Variants in WWC1 observed in about 807,000 individuals in gnomAD.
WWC1 encodes protein KIBRA.
In WWC1, 55 loss-of-function variants were observed where a neutral mutation model predicts 138.4. That is an observed-to-expected ratio of 0.40 (90% confidence interval 0.32 to 0.50). WWC1 has a LOEUF of 0.50. Ranked by LOEUF, WWC1 falls within the 20% of genes least tolerant of loss-of-function variation. WWC1 has a pLI of 0.72. For missense variants in WWC1, 1,226 were observed against 1,420.4 expected (o/e 0.86, Z 2.20); for synonymous variants, 524 against 564.9 (o/e 0.93, Z 1.03).
chr5:168,388,742 A>C (rs1778231663), intron 3 of WWC1, among the ~76,000 whole-genome samples: 1 of 151,906 alleles, frequency 6.6e-6, no homozygotes, highest in South Asian at 2.1e-4. Flanking sequence ...AGGCAGGAGA[A>C]TTGCCTGAAC....
At chr5:168,409,309 TC>T (rs141874190) in intron 7 of WWC1, among the ~76,000 whole-genome samples, 2,359 of 152,330 alleles carry the variant, frequency 0.015, 59 homozygotes, top group African/African-American at 0.054. Context: ...ATAGCTGTCT[TC>T]CCACTTGTCC....
chr5:168,385,098 T>C, intron 2 of WWC1, 113 bp from the exon 3 acceptor site: 1 of 1,007,210 alleles, frequency 9.9e-7, no homozygotes, highest in Non-Finnish European at 1.5e-6. Context: ...CTTACATTTA[T>C]TGTGATTTGT....
intron 16 of WWC1, 161 bp downstream of exon 16, chr5:168,441,995 G>A: frequency 9.0e-7 from 1 of 1,108,420 alleles, no homozygotes. Context: ...CTCCACTAAG[G>A]GGCAGGCGGC....
intron 3 of WWC1, among the ~76,000 whole-genome samples, chr5:168,387,898 G>A (rs62384074): frequency 0.14 from 21,121 of 149,716 alleles, 1,816 homozygotes; most frequent in South Asian, 0.39. Flanking sequence ...GTTTAAAGGG[G>A]CAAAGTGATT....
chr5:168,403,726 T>C (rs1377179964), intron 5 of WWC1, among the ~76,000 whole-genome samples: 1 of 152,050 alleles, frequency 6.6e-6, no homozygotes, highest in East Asian at 1.9e-4. Context: ...AGCCCTGCCG[T>C]GCCCAGGCAG....
intron 9 of WWC1, among the ~76,000 whole-genome samples, chr5:168,419,772 G>C (rs374674917): frequency 2.0e-5 from 3 of 152,126 alleles, no homozygotes; most frequent in African/African-American, 4.8e-5. Context: ...CCCACTCCAG[G>C]GGTTGGAGAG....
At chr5:168,335,439 A>G (rs769497646) in intron 1 of WWC1, among the ~76,000 whole-genome samples, 1 of 152,050 alleles carries the variant, frequency 6.6e-6, no homozygotes, top group African/African-American at 2.4e-5. Context: ...TGGGCAATAT[A>G]GCGAGACTCC....
intron 1 of WWC1, among the ~76,000 whole-genome samples, 197 bp from the exon 2 acceptor site, chr5:168,371,227 G>A (rs1161837673): frequency 1.3e-5 from 2 of 152,222 alleles, no homozygotes; most frequent in Non-Finnish European, 2.9e-5. Flanking sequence ...CCCACACAGG[G>A]TGATCTTATC....
chr5:168,456,878 A>AGAGG (rs1756376814), intron 19 of WWC1, among the ~76,000 whole-genome samples: 1 of 152,166 alleles, frequency 6.6e-6, no homozygotes, highest in Non-Finnish European at 1.5e-5. Flanking sequence ...AGATAGAAGA[A>AGAGG]CTTTGGTGAA....
chr5:168,351,761 T>C (rs1774976420), intron 1 of WWC1, among the ~76,000 whole-genome samples: 1 of 152,140 alleles, frequency 6.6e-6, no homozygotes, highest in Non-Finnish European at 1.5e-5. Context: ...CAGCAACCAG[T>C]CCTGTCGCAG....
At chr5:168,468,307 G>T (rs551618075) in intron 22 of WWC1, among the ~76,000 whole-genome samples, 1 of 152,076 alleles carries the variant, frequency 6.6e-6, no homozygotes, top group African/African-American at 2.4e-5. Context: ...ATGGATGCTC[G>T]CTGGGCCTCC....
intron 16 of WWC1, among the ~76,000 whole-genome samples, chr5:168,443,854 A>G (rs1332014153): frequency 6.6e-6 from 1 of 152,204 alleles, no homozygotes; most frequent in Admixed American, 6.5e-5. Context: ...ATTAGCTACC[A>G]TTTACTGGGT....
rs141328573 is a variant in WWC1, at chr5:168,397,602, G to T, written c.434-122G>T. 17 of 950,158 alleles carry T rather than the reference G, an allele frequency of 1.8e-5. No homozygotes were observed. The African/African-American group carries it at 2.6e-4, about 15-fold the overall frequency. 58.9% of individuals were successfully genotyped at this position (950,158 alleles called of 1,614,324 possible). On this transcript the variant is annotated intron_variant, in intron 3 of 22. Coordinates refer to ENST00000265293, the MANE Select transcript of WWC1 (RefSeq NM_015238.3). ...TTTATGTAACAAATCCCCCTTTGTT[G>T]AACATTTAGGTTGTTCACTTTTAGT...
intron 17 of WWC1, among the ~76,000 whole-genome samples, chr5:168,450,438 T>C (rs1755694017): frequency 6.6e-6 from 1 of 151,972 alleles, no homozygotes; most frequent in Non-Finnish European, 1.5e-5. Context: ...GAGGCCGAGG[T>C]GGGTGGATCA....
chr5:168,337,012 A>G (rs2152772692), intron 1 of WWC1, among the ~76,000 whole-genome samples: 1 of 152,304 alleles, frequency 6.6e-6, no homozygotes, highest in African/African-American at 2.4e-5. Context: ...TTAATGTACC[A>G]TGACCGCAGT....
In WWC1 at chr5:168,345,349, C is replaced by A. The variant is rs570228345; in HGVS notation, c.120-26075C>A. ...CGAACTCTCGACCTCAAGTGATCCT[C>A]ACCTCCCAAAGTGCTGGGATTACAG... On this transcript the variant is annotated intron_variant, in intron 1 of 22. Transcript: ENST00000265293. Among the ~76,000 whole-genome samples the A allele has an allele frequency of 5.4e-4, 82 of 152,310 alleles. No individual in the cohort carries two copies. The South Asian group carries it at 9.3e-3, about 17-fold the overall frequency.
intron 1 of WWC1, among the ~76,000 whole-genome samples, chr5:168,362,431 C>G (rs10065566): frequency 0.014 from 2,159 of 152,332 alleles, 48 homozygotes; most frequent in African/African-American, 0.047. Context: ...GCCAGTGAGT[C>G]TGGCTCCAGA....
chr5:168,458,603 A>G (rs1756533269), intron 19 of WWC1, among the ~76,000 whole-genome samples: 1 of 152,164 alleles, frequency 6.6e-6, no homozygotes, highest in Admixed American at 6.5e-5. Context: ...GTGCTACCAC[A>G]TTTGTGGGTT....
intron 5 of WWC1, among the ~76,000 whole-genome samples, chr5:168,400,995 GA>G (rs1779265875): frequency 6.7e-6 from 1 of 148,814 alleles, no homozygotes; most frequent in Non-Finnish European, 1.5e-5. Context: ...AAGAAAGAAA[GA>G]AAAAAAGAAA....
Sources: gnomAD v4.1 joint callset for allele counts (sites outside exome capture counted in the v4.1 genomes callset) on GRCh38, gnomAD v4.1.1 for gene constraint, MANE v1.5 for transcripts, NCBI Gene and HGNC (gene_info 2026-07-23, HGNC 2026-07-21) for gene names.